The following NDRG1 variants were observed in gnomAD, a reference collection of about 807,000 sequenced individuals.
NDRG1 encodes protein NDRG1.
In NDRG1, 32 loss-of-function variants were observed where a neutral mutation model predicts 56.9. The ratio of observed to expected loss-of-function variants is 0.56; its 90% CI spans 0.42 to 0.76. The LOEUF (loss-of-function observed/expected upper bound fraction) is 0.76. Ranked by LOEUF, NDRG1 falls within the 30% of genes least tolerant of loss-of-function variation. The pLI, the probability that NDRG1 is intolerant of heterozygous loss-of-function variation, is 0.00. For missense variants in NDRG1, 507 were observed against 545.7 expected, an observed-to-expected ratio of 0.93 and a Z score of 0.71; for synonymous variants, 211 against 204.1, an observed-to-expected ratio of 1.03 and a Z score of -0.29.
At chr8:133,253,903 T>C (rs1362637559) in intron 9 of NDRG1, among the ~76,000 whole-genome samples, 1 of 151,680 alleles carries the variant, frequency 6.6e-6, no homozygotes, top group Non-Finnish European at 1.5e-5. Flanking sequence ...GGTGTCACTA[T>C]GTTGCCCAGG....
intron 15 of NDRG1, 151 bp downstream of exon 15, chr8:133,241,872 C>T: frequency 4.8e-6 from 4 of 835,514 alleles, no homozygotes; most frequent in Non-Finnish European, 6.1e-6. Flanking sequence ...CAGGCTGCCA[C>T]ATGCCCTCCA....
chr8:133,242,225 G>C, intron 14 of NDRG1, 151 bp from the exon 15 acceptor site: 1 of 790,556 alleles, frequency 1.3e-6, no homozygotes, highest in Non-Finnish European at 2.2e-6. Flanking sequence ...ACAAAAGTAA[G>C]AGTATGGGAC....
intron 5 of NDRG1, 106 bp downstream of exon 5, chr8:133,261,941 T>C (rs1432425643): frequency 7.0e-7 from 1 of 1,434,652 alleles, no homozygotes; most frequent in Admixed American, 2.3e-5. Context: ...TGATACGTTT[T>C]ATATTTTACC....
chr8:133,282,571 C>T (rs16904881), intron 2 of NDRG1, among the ~76,000 whole-genome samples: 47,295 of 152,138 alleles, frequency 0.31, 9,088 homozygotes, highest in African/African-American at 0.52. Context: ...TTCTGTTTGA[C>T]TATTTCAGAA....
intron 1 of NDRG1, among the ~76,000 whole-genome samples, chr8:133,286,676 G>T (rs2004066): frequency 6.6e-6 from 1 of 151,956 alleles, no homozygotes; most frequent in African/African-American, 2.4e-5. Flanking sequence ...AGATAAAACT[G>T]CTGAGGATGA....
chr8:133,244,592 T>C, intron 13 of NDRG1: 1 of 656,804 alleles, frequency 1.5e-6, no homozygotes, highest in Non-Finnish European at 2.8e-6. Flanking sequence ...GTGGCAACCA[T>C]CACTTGCAGC....
Position 133,238,000 on chromosome 8 carries a change from C to T in NDRG1, c.*878G>A, listed in dbSNP as rs566445454. 1 of 233,148 alleles carries T rather than the reference C, an allele frequency of 4.3e-6. No individual in the cohort carries two copies. The highest frequency in any genetic ancestry group is 2.2e-5 in the African/African-American group (1 of 45,470). 14.4% of individuals were successfully genotyped at this position (233,148 alleles called of 1,614,324 possible). The stretch of plus-strand genomic sequence containing the variant: ...AGGGCAGCTGTGGAATGTTGCCCTC[C>T]ATTCTAAGGAATGCAAAACAAATCT... On this transcript the variant is annotated 3_prime_UTR_variant, in exon 16 of 16. Transcript: ENST00000323851.
intron 9 of NDRG1, among the ~76,000 whole-genome samples, chr8:133,252,403 C>T (rs62514042): frequency 0.13 from 20,274 of 152,228 alleles, 1,408 homozygotes; most frequent in South Asian, 0.19. Context: ...CCCACTTTCG[C>T]TGTTCTAAGC....
Position 133,258,372 on chromosome 8 carries a change from T to C in NDRG1, c.444A>G (p.Arg148=). The part of the protein sequence containing the change: ...GTGAGAYILT[R]FALNNPEMVE... Reference sequence around the variant, plus strand: ...AAAATGCCAAAGCACTCACAGCAAATCGAGTTAGGATGTAGGCGCCTGCTC... The same window carrying C: ...AAAATGCCAAAGCACTCACAGCAAACCGAGTTAGGATGTAGGCGCCTGCTC... Residue 148 remains arginine (R), a synonymous_variant, in exon 7 of 16, where the codon CGA becomes CGG. Coordinates refer to ENST00000323851, the MANE Select transcript of NDRG1 (RefSeq NM_006096.4). 1 of 1,611,514 alleles carries C rather than the reference T, an allele frequency of 6.2e-7. No homozygotes were observed. Among genetic ancestry groups the C allele is most frequent in the Non-Finnish European group, 8.5e-7 (1 of 1,178,930 alleles).
At chr8:133,280,829 C>G (rs530112275) in intron 2 of NDRG1, 1 of 156,278 alleles carries the variant, frequency 6.4e-6, no homozygotes, top group African/African-American at 2.4e-5. Flanking sequence ...AGATAAAAAG[C>G]TGAAGGTCTA....
At chr8:133,294,889 C>A (rs1858656121) in intron 1 of NDRG1, among the ~76,000 whole-genome samples, 1 of 152,240 alleles carries the variant, frequency 6.6e-6, no homozygotes, top group Non-Finnish European at 1.5e-5. Context: ...CAGGCAAAAT[C>A]CTGCCAGGAA....
chr8:133,262,597 G>A (rs1490302069), intron 4 of NDRG1, among the ~76,000 whole-genome samples: 1 of 152,142 alleles, frequency 6.6e-6, no homozygotes, highest in African/African-American at 2.4e-5. Context: ...GAGGAGCATG[G>A]GAGGTGAGGC....
At chr8:133,276,493 G>A (rs1267795385) in intron 3 of NDRG1, among the ~76,000 whole-genome samples, 4 of 152,168 alleles carry the variant, frequency 2.6e-5, no homozygotes, top group African/African-American at 4.8e-5. Context: ...CCCACGTGTC[G>A]TGGGAGGGAA....
intron 1 of NDRG1, chr8:133,296,573 C>G (rs1858777012): frequency 4.4e-6 from 2 of 456,072 alleles, no homozygotes; most frequent in Non-Finnish European, 8.8e-6. Context: ...CACCCGTTCC[C>G]GACCCAGTCT....
rs145002393 is a variant in NDRG1, at chr8:133,247,625, G to A, written c.807+250C>T. On this transcript the variant is annotated intron_variant, in intron 12 of 15. Transcript: ENST00000323851. ...GCAAACATGCCCATATAAACAAGCCGATGGGACACAGACTGGCGGGTGAGG... is the reference window on the plus strand; with the variant it reads ...GCAAACATGCCCATATAAACAAGCCAATGGGACACAGACTGGCGGGTGAGG... Among the ~76,000 whole-genome samples, 86 of 152,356 alleles carry A rather than the reference G, an allele frequency of 5.6e-4. No individual in the cohort carries two copies. In the East Asian group the frequency reaches 0.015, roughly 26 times the overall value.
intron 8 of NDRG1, chr8:133,255,266 A>G: frequency 2.2e-6 from 1 of 456,290 alleles, no homozygotes; most frequent in Non-Finnish European, 4.4e-6. Flanking sequence ...GGCAGTCTGC[A>G]TACCTCTGGG....
At chr8:133,248,226 C>T (rs1178938374) in intron 11 of NDRG1, among the ~76,000 whole-genome samples, 1 of 152,166 alleles carries the variant, frequency 6.6e-6, no homozygotes, top group East Asian at 1.9e-4. Context: ...GAAACAAGAA[C>T]AGCATGAAGG....
intron 13 of NDRG1, 34 bp from the exon 14 acceptor site, chr8:133,244,424 C>T (rs373741459): frequency 2.7e-5 from 43 of 1,613,892 alleles, no homozygotes; most frequent in Non-Finnish European, 3.4e-5. Context: ...GTGCCAAACA[C>T]CACAGCCAAG....
intron 2 of NDRG1, among the ~76,000 whole-genome samples, chr8:133,281,414 G>T (rs1429517108): frequency 6.6e-6 from 1 of 151,732 alleles, no homozygotes; most frequent in Admixed American, 6.6e-5. Flanking sequence ...TACCAGAGCT[G>T]TCCATGGCAG....
Sources: allele counts gnomAD v4.1 joint callset (sites outside exome capture counted in the v4.1 genomes callset), GRCh38; gene constraint gnomAD v4.1.1; transcripts MANE v1.5; gene names NCBI Gene and HGNC (gene_info 2026-07-23, HGNC 2026-07-21).